The following ANKRD11 variants were observed in gnomAD, a reference collection of about 807,000 sequenced individuals.
ANKRD11 encodes ankyrin repeat domain 11.
ANKRD11 carries 17 observed loss-of-function variants against 195.7 expected under a neutral mutation model. The ratio of observed to expected loss-of-function variants is 0.09; its 90% confidence interval spans 0.06 to 0.13. ANKRD11 has a LOEUF of 0.13. Ranked by LOEUF, ANKRD11 falls within the 10% of genes least tolerant of loss-of-function variation. The probability of loss-of-function intolerance (pLI) is 1.00; values close to 1 mark genes in which losing one functional copy is unlikely to be tolerated. For missense variants in ANKRD11, 3,735 were observed against 3,566.1 expected, an observed-to-expected ratio of 1.05 and a Z score of -1.21; for synonymous variants, 1,953 against 1,528.1, an observed-to-expected ratio of 1.28 and a Z score of -6.49.
At position 89,408,088 on chromosome 16, in the gene ANKRD11, A is replaced by G. The variant is rs1317292116; in HGVS notation, c.-60+10196T>C. Among the ~76,000 whole-genome samples, 3 of 152,282 alleles carry G rather than the reference A, an allele frequency of 2.0e-5. No homozygotes were observed. In the East Asian group the frequency reaches 5.8e-4, roughly 29 times the overall value. On this transcript the variant is annotated intron_variant, in intron 2 of 12. Transcript: ENST00000301030. ...CCAGACTCAAACAGGAAGCCACTGC[A>G]CATGTGTGACCACTGGCCAGGCAAA...
intron 1 of ANKRD11, among the ~76,000 whole-genome samples, chr16:89,479,843 T>C (rs1340845550): frequency 6.7e-6 from 1 of 149,114 alleles, no homozygotes; most frequent in East Asian, 2.0e-4. Context: ...CTCGGGAGGC[T>C]GAGGCAGGAG....
chr16:89,483,541 T>G (rs2057510161), intron 1 of ANKRD11, among the ~76,000 whole-genome samples: 1 of 152,104 alleles, frequency 6.6e-6, no homozygotes, highest in South Asian at 2.1e-4. Flanking sequence ...TGTGAGAAAA[T>G]GTTTAGGCCG....
At position 89,283,647 on chromosome 16, in the gene ANKRD11, C is replaced by T. The variant is rs760879386; in HGVS notation, c.2895G>A (p.Arg965=). 1 of 1,611,158 alleles carries T rather than the reference C, an allele frequency of 6.2e-7. No individual in the cohort carries two copies. The highest frequency in any genetic ancestry group is 2.2e-5 in the East Asian group (1 of 44,880). Residue 965 remains arginine, a synonymous_variant, in exon 9 of 13, where the codon AGG becomes AGA. Transcript: ENST00000301030. The surrounding 1 kb of genome is among the most constrained non-coding windows in gnomAD (Gnocchi z 4.3). ...CCCGGTGCGCCTCCTCGGGCTTGGC[C>T]CTGCCGTCCCTGCGCTCCTTGCAGC... ...LESCKERRDG[R]AKPEEAHREE...
At chr16:89,451,371 A>T (rs2044063926) in intron 1 of ANKRD11, among the ~76,000 whole-genome samples, 1 of 149,114 alleles carries the variant, frequency 6.7e-6, no homozygotes, top group Non-Finnish European at 1.5e-5. Context: ...AGTGCCAAAA[A>T]TTTTCTAAAA....
chr16:89,347,800 G>C (rs893174447), intron 2 of ANKRD11, among the ~76,000 whole-genome samples: 5 of 152,190 alleles, frequency 3.3e-5, no homozygotes, highest in East Asian at 3.9e-4. Context: ...CCAACATTAG[G>C]AAAAACATAT....
intron 2 of ANKRD11, among the ~76,000 whole-genome samples, chr16:89,372,165 G>A (rs1351312929): frequency 1.3e-5 from 2 of 152,316 alleles, no homozygotes; most frequent in South Asian, 2.1e-4. Context: ...AAGGACCGGC[G>A]CCCACTCCCA....
At chr16:89,479,351 G>C (rs547612618) in intron 1 of ANKRD11, among the ~76,000 whole-genome samples, 1 of 152,198 alleles carries the variant, frequency 6.6e-6, no homozygotes, top group South Asian at 2.1e-4. Context: ...AAAATATCTA[G>C]GCCTGGCGCA....
At position 89,284,053 on chromosome 16, in the gene ANKRD11, T is replaced by G. The variant is rs2034472610; in HGVS notation, c.2489A>C (p.Lys830Thr). The change falls in exon 9 of 13, where the codon AAA (lysine) becomes ACA (threonine). Residue 830 changes from lysine (K) to threonine (T), a missense_variant. Lys to Thr is a moderately conservative substitution (Grantham distance 78). Transcript: ENST00000301030. The stretch of plus-strand genomic sequence containing the variant: ...TCGCTGATCGTCAGAAAGGCTAAAT[T>G]TGGTGTCTTCATTCTCCAGAAACTG... ...KNQFLENEDT[K>T]FSLSDDQRDR... The G allele has an allele frequency of 1.2e-6, 2 of 1,614,168 alleles. No homozygotes were observed. Among genetic ancestry groups the G allele is most frequent in the Non-Finnish European group, 1.7e-6 (2 of 1,180,024 alleles).
intron 9 of ANKRD11, 82 bp downstream of exon 9, chr16:89,278,990 C>T (rs761216415): frequency 1.9e-6 from 3 of 1,569,798 alleles, no homozygotes; most frequent in East Asian, 2.4e-5. Context: ...TGGGACAAGA[C>T]GGGCTGGAGG....
intron 1 of ANKRD11, among the ~76,000 whole-genome samples, chr16:89,463,464 T>TGAAGGCA (rs1161106108): frequency 6.6e-6 from 1 of 152,198 alleles, no homozygotes; most frequent in Non-Finnish European, 1.5e-5. Context: ...AACAGACGGT[T>TGAAGGCA]GAAGGCAGCA....
chr16:89,334,135 C>T (rs2038208356), intron 2 of ANKRD11, among the ~76,000 whole-genome samples: 1 of 113,658 alleles, frequency 8.8e-6, no homozygotes, highest in Admixed American at 9.9e-5. Context: ...ATGATGAAAC[C>T]CTGTGTTTTA....
intron 4 of ANKRD11, among the ~76,000 whole-genome samples, chr16:89,292,217 C>G (rs2035105490): frequency 6.6e-6 from 1 of 152,190 alleles, no homozygotes; most frequent in Non-Finnish European, 1.5e-5. Flanking sequence ...TCTGAGGCAC[C>G]TCCCTTCCCT....
intron 2 of ANKRD11, among the ~76,000 whole-genome samples, chr16:89,388,144 A>G (rs1014786671): frequency 2.0e-5 from 3 of 152,148 alleles, no homozygotes; most frequent in African/African-American, 7.2e-5. Context: ...AACATCATAC[A>G]TAAACATAAC....
At chr16:89,394,763 TA>T (rs1442733580) in intron 2 of ANKRD11, among the ~76,000 whole-genome samples, 1 of 152,198 alleles carries the variant, frequency 6.6e-6, no homozygotes, top group Non-Finnish European at 1.5e-5. Flanking sequence ...AAGGATGCTG[TA>T]AAATTACACA....
intron 4 of ANKRD11, among the ~76,000 whole-genome samples, chr16:89,293,737 AGGGAGGAGCTGGGGCGGTGTT>A (rs1469924390): frequency 6.2e-4 from 76 of 121,682 alleles, no homozygotes; most frequent in African/African-American, 1.5e-3. Context: ...GGGGCTGCGG[AGGGAGGAGCTGGGGCGGTGTT>A]GGGAGGAGCT....
intron 2 of ANKRD11, among the ~76,000 whole-genome samples, chr16:89,318,707 T>C (rs1038302301): frequency 6.6e-6 from 1 of 152,314 alleles, no homozygotes; most frequent in East Asian, 1.9e-4. Context: ...ATGACCTGCT[T>C]TGTCTTTCTA....
At chr16:89,370,222 C>T (rs966350462) in intron 2 of ANKRD11, among the ~76,000 whole-genome samples, 2 of 152,206 alleles carry the variant, frequency 1.3e-5, no homozygotes, top group Non-Finnish European at 1.5e-5. Context: ...AGGACTCAGG[C>T]GAGGGGAGCC....
intron 2 of ANKRD11, among the ~76,000 whole-genome samples, chr16:89,357,452 A>C (rs549107472): frequency 1.5e-4 from 23 of 152,276 alleles, no homozygotes; most frequent in African/African-American, 4.8e-4. Flanking sequence ...CCAAAAAAAA[A>C]CAGTGTGACG....
At chr16:89,307,251 T>TC (rs2036340256) in intron 3 of ANKRD11, among the ~76,000 whole-genome samples, 1 of 152,178 alleles carries the variant, frequency 6.6e-6, no homozygotes, top group Admixed American at 6.5e-5. Flanking sequence ...GCCCAACTGT[T>TC]CCTGGGAGAA....
Sources: allele counts gnomAD v4.1 joint callset (sites outside exome capture counted in the v4.1 genomes callset), GRCh38; gene constraint gnomAD v4.1.1; non-coding constraint Gnocchi (gnomAD v3.1); transcripts MANE v1.5; gene names NCBI Gene and HGNC (gene_info 2026-07-23, HGNC 2026-07-21).